ELOVL2: variants seen among roughly 807,000 people sequenced by gnomAD.
ELOVL2 encodes ELOVL fatty acid elongase 2.
ELOVL2 carries 38 observed loss-of-function variants against 37.7 expected under a neutral mutation model. The observed-to-expected ratio is 1.01, with a 90% CI of 0.78 to 1.32. The LOEUF (loss-of-function observed/expected upper bound fraction) is 1.32, where lower values mean the gene tolerates loss of function less well. Ranked by LOEUF, ELOVL2 falls within the 40% of genes most tolerant of loss-of-function variation. The pLI, the probability that ELOVL2 is intolerant of heterozygous loss-of-function variation, is 0.00. For missense variants in ELOVL2, 352 were observed against 363.6 expected (o/e 0.97, Z 0.26); for synonymous variants, 115 against 122.3 (o/e 0.94, Z 0.40).
chr6:11,018,573 G>C (rs1460751232), intron 1 of ELOVL2, among the ~76,000 whole-genome samples: 1 of 152,176 alleles, frequency 6.6e-6, no homozygotes, highest in Non-Finnish European at 1.5e-5. Flanking sequence ...TGGGGATCTT[G>C]TTAACTTACA....
At chr6:11,025,308 C>A (rs1417170820) in intron 1 of ELOVL2, among the ~76,000 whole-genome samples, 1 of 152,006 alleles carries the variant, frequency 6.6e-6, no homozygotes, top group Non-Finnish European at 1.5e-5. Flanking sequence ...AGAATATAAA[C>A]AAAATAAACA....
chr6:11,010,851 C>CTT, intron 1 of ELOVL2, 42 bp from the exon 2 acceptor site: 1 of 1,509,424 alleles, frequency 6.6e-7, no homozygotes, highest in East Asian at 2.3e-5. Context: ...TTTTTTTCTT[C>CTT]TTTTTTTGAA....
intron 1 of ELOVL2, among the ~76,000 whole-genome samples, chr6:11,028,790 T>C (rs1782874339): frequency 6.6e-6 from 1 of 152,054 alleles, no homozygotes. Flanking sequence ...TATCTCACTA[T>C]TACTTCATTT....
At chr6:11,014,051 A>G (rs2057769113) in intron 1 of ELOVL2, among the ~76,000 whole-genome samples, 1 of 152,176 alleles carries the variant, frequency 6.6e-6, no homozygotes, top group Admixed American at 6.6e-5. Context: ...CTTGGAATTC[A>G]ATTTGTGGCT....
chr6:11,038,354 G>A (rs1032903352), intron 1 of ELOVL2, among the ~76,000 whole-genome samples: 5 of 152,074 alleles, frequency 3.3e-5, no homozygotes, highest in East Asian at 3.8e-4. Context: ...CATGGTGTGC[G>A]CCTGTAGTCC....
chr6:11,012,677 C>A (rs1299555341), intron 1 of ELOVL2, among the ~76,000 whole-genome samples: 1 of 151,960 alleles, frequency 6.6e-6, no homozygotes, highest in Non-Finnish European at 1.5e-5. Context: ...AGGGCAGAAA[C>A]AAAAGTAAAA....
At chr6:11,005,236 G>T (rs993589363) in intron 3 of ELOVL2, 136 bp downstream of exon 3, 3 of 702,132 alleles carry the variant, frequency 4.3e-6, no homozygotes, top group Non-Finnish European at 6.8e-6. Flanking sequence ...TTTTCAGAAA[G>T]AATAATATCA....
rs755711524 is a variant in ELOVL2 at position 10,995,153 on chromosome 6, T to C, written c.359A>G (p.Tyr120Cys). The change falls in exon 5 of 8, where the codon TAT becomes TGT. Residue 120 changes from tyrosine to cysteine, a missense_variant. Transcript: ENST00000354666. ...IRVAKVLWWY[Y>C]FSKSVEFLDT... ...CAGGAACTCTACTGATTTGGAGAAA[T>C]AGTACCACCAAAGCACCTTGGCTAC... The C allele has an allele frequency of 8.7e-6, 14 of 1,610,980 alleles. No individual in the cohort carries two copies. Among genetic ancestry groups the C allele is most frequent in the Middle Eastern group, 1.6e-4 (1 of 6,074 alleles).
Position 11,044,103 on chromosome 6 carries a change from C to A in ELOVL2, c.3+125G>T. The A allele has an allele frequency of 8.2e-7, 1 of 1,220,966 alleles. No homozygotes were observed. Among genetic ancestry groups the A allele is most frequent in the South Asian group, 2.0e-5 (1 of 48,996 alleles). 75.6% of individuals were successfully genotyped at this position (1,220,966 alleles called of 1,614,324 possible). ...GCGGACCCGGCCCCTCCGAGGGTAG[C>A]GGGTTCCAGCGGCGAACCCGCAGCG... On this transcript the variant is annotated intron_variant, in intron 1 of 7. Transcript: ENST00000354666. The surrounding 1 kb of genome is among the most constrained non-coding windows in gnomAD (Gnocchi z 5.6).
intron 1 of ELOVL2, among the ~76,000 whole-genome samples, chr6:11,015,317 G>C (rs898460515): frequency 6.6e-6 from 1 of 152,108 alleles, no homozygotes; most frequent in African/African-American, 2.4e-5. Flanking sequence ...TGCTAAAGAT[G>C]CTCTTCATGC....
intron 7 of ELOVL2, among the ~76,000 whole-genome samples, chr6:10,984,541 T>C (rs1371451941): frequency 3.9e-5 from 5 of 128,000 alleles, no homozygotes; most frequent in Middle Eastern, 4.8e-3. Context: ...CCCCAGAATG[T>C]GATGTTCCCC....
At chr6:11,026,867 T>C (rs1219394305) in intron 1 of ELOVL2, among the ~76,000 whole-genome samples, 1 of 152,238 alleles carries the variant, frequency 6.6e-6, no homozygotes, top group East Asian at 1.9e-4. Context: ...GAGATTTCTT[T>C]TAAAATATTT....
chr6:10,993,037 T>A (rs1228838002), intron 5 of ELOVL2, among the ~76,000 whole-genome samples: 2 of 152,066 alleles, frequency 1.3e-5, no homozygotes, highest in Non-Finnish European at 2.9e-5. Flanking sequence ...TACACTTTTT[T>A]AAAAAATAAA....
chr6:11,007,552 T>C (rs1335705955), intron 2 of ELOVL2, among the ~76,000 whole-genome samples: 2 of 152,238 alleles, frequency 1.3e-5, no homozygotes, highest in East Asian at 3.8e-4. Flanking sequence ...AAGGCTCTGC[T>C]GACACCTTGA....
chr6:11,019,328 T>C (rs913206438), intron 1 of ELOVL2, among the ~76,000 whole-genome samples: 2 of 152,232 alleles, frequency 1.3e-5, no homozygotes, highest in African/African-American at 4.8e-5. Flanking sequence ...AGGTTTAGTA[T>C]ATTTTAAAAT....
intron 7 of ELOVL2, among the ~76,000 whole-genome samples, chr6:10,986,901 T>C (rs979607180): frequency 6.6e-6 from 1 of 152,230 alleles, no homozygotes; most frequent in Admixed American, 6.5e-5. Flanking sequence ...TTTCTGTTGA[T>C]TGGAATGGTT....
At chr6:11,040,118 TAAAAAAGAG>T (rs1783076598) in intron 1 of ELOVL2, among the ~76,000 whole-genome samples, 1 of 151,966 alleles carries the variant, frequency 6.6e-6, no homozygotes, top group Non-Finnish European at 1.5e-5. Flanking sequence ...CAATATAAAA[TAAAAAAGAG>T]AATAAGAATC....
chr6:11,006,309 C>A (rs980475982), intron 2 of ELOVL2, among the ~76,000 whole-genome samples: 1 of 152,144 alleles, frequency 6.6e-6, no homozygotes, highest in African/African-American at 2.4e-5. Flanking sequence ...TACATCAGGG[C>A]CCCTTACACT....
chr6:10,992,468 T>C (rs959394953), intron 5 of ELOVL2, among the ~76,000 whole-genome samples: 1 of 152,216 alleles, frequency 6.6e-6, no homozygotes, highest in Admixed American at 6.5e-5. Context: ...GTGAAGTCAA[T>C]GCAGTGAGAA....
Sources: allele counts gnomAD v4.1 joint callset (sites outside exome capture counted in the v4.1 genomes callset), GRCh38; gene constraint gnomAD v4.1.1; non-coding constraint Gnocchi (gnomAD v3.1); transcripts MANE v1.5; gene names NCBI Gene and HGNC (gene_info 2026-07-23, HGNC 2026-07-21).